FNBP1L: variants seen among roughly 807,000 people sequenced by gnomAD.
FNBP1L encodes the protein formin binding protein 1 like.
A neutral mutation model predicts 91.2 loss-of-function variants in FNBP1L; 36 were observed. The ratio of observed to expected loss-of-function variants is 0.39; its 90% CI spans 0.30 to 0.52. The LOEUF (loss-of-function observed/expected upper bound fraction) is 0.52. FNBP1L is among the 20% of genes least tolerant of loss of function. FNBP1L has a pLI of 0.66. For synonymous variants in FNBP1L, 242 were observed against 237.0 expected, an observed-to-expected ratio of 1.02 and a Z score of -0.19; for missense variants, 571 against 732.1, an observed-to-expected ratio of 0.78 and a Z score of 2.54.
At chr1:93,545,968 G>T (rs1383302591) in intron 12 of FNBP1L, among the ~76,000 whole-genome samples, 1 of 152,042 alleles carries the variant, frequency 6.6e-6, no homozygotes, top group Non-Finnish European at 1.5e-5. Flanking sequence ...ATCCATATTA[G>T]AAGTGTCCAG....
chr1:93,495,595 G>GA (rs2101721456), intron 1 of FNBP1L, among the ~76,000 whole-genome samples: 2 of 152,214 alleles, frequency 1.3e-5, no homozygotes, highest in African/African-American at 2.4e-5. Context: ...AGAGACAATT[G>GA]AAAAATCTTT....
At chr1:93,448,535 C>T (rs1049745244) in intron 1 of FNBP1L, among the ~76,000 whole-genome samples, 1 of 152,176 alleles carries the variant, frequency 6.6e-6, no homozygotes, top group Non-Finnish European at 1.5e-5. Context: ...TGGTGCAGCT[C>T]GGGCGGCGCC....
At chr1:93,524,715 AC>A (rs1671442579) in intron 5 of FNBP1L, among the ~76,000 whole-genome samples, 1 of 150,782 alleles carries the variant, frequency 6.6e-6, no homozygotes, top group Non-Finnish European at 1.5e-5. Context: ...TTCTTTTTCT[AC>A]CTTTAACTTA....
intron 10 of FNBP1L, among the ~76,000 whole-genome samples, chr1:93,538,088 A>T (rs1196024069): frequency 6.6e-6 from 1 of 152,042 alleles, no homozygotes; most frequent in Non-Finnish European, 1.5e-5. Context: ...TATCCTATAT[A>T]ATGAGTCTAC....
intron 1 of FNBP1L, among the ~76,000 whole-genome samples, chr1:93,455,411 A>G (rs929144755): frequency 6.6e-6 from 1 of 151,538 alleles, no homozygotes; most frequent in Non-Finnish European, 1.5e-5. Context: ...CTGGTCGTGA[A>G]CTCCTGGCCT....
chr1:93,507,056 A>AACACACAC (rs369423210), intron 2 of FNBP1L, among the ~76,000 whole-genome samples: 1 of 35,018 alleles, frequency 2.9e-5, no homozygotes, highest in African/African-American at 9.4e-5. Context: ...AAAAACATGG[A>AACACACAC]ACACACACAC....
intron 1 of FNBP1L, among the ~76,000 whole-genome samples, chr1:93,499,220 A>G (rs1244453672): frequency 6.6e-6 from 1 of 152,048 alleles, no homozygotes; most frequent in Non-Finnish European, 1.5e-5. Flanking sequence ...CAAAAAGCTG[A>G]TCAGGGGAGG....
At chr1:93,467,835 AG>A (rs1487960114) in intron 1 of FNBP1L, among the ~76,000 whole-genome samples, 1 of 152,152 alleles carries the variant, frequency 6.6e-6, no homozygotes, top group Non-Finnish European at 1.5e-5. Context: ...GCTACTCTTG[AG>A]GGTGAGGTGA....
At chr1:93,463,176 C>G (rs1015171664) in intron 1 of FNBP1L, among the ~76,000 whole-genome samples, 1 of 152,082 alleles carries the variant, frequency 6.6e-6, no homozygotes, top group Non-Finnish European at 1.5e-5. Context: ...AAAGCGCTTC[C>G]TTACTTTCTG....
chr1:93,510,496 C>G (rs1045865868), intron 2 of FNBP1L, among the ~76,000 whole-genome samples: 1 of 152,080 alleles, frequency 6.6e-6, no homozygotes, highest in African/African-American at 2.4e-5. Flanking sequence ...GATAAAACCA[C>G]AAAGATGGGG....
chr1:93,517,734 TCTTC>T (rs1301753139), intron 2 of FNBP1L, among the ~76,000 whole-genome samples: 5 of 151,788 alleles, frequency 3.3e-5, no homozygotes, highest in Non-Finnish European at 5.9e-5. Flanking sequence ...AAGCAACTCT[TCTTC>T]CTTCCCTGTT....
At chr1:93,490,409 G>T (rs1670054183) in intron 1 of FNBP1L, among the ~76,000 whole-genome samples, 1 of 152,026 alleles carries the variant, frequency 6.6e-6, no homozygotes, top group Non-Finnish European at 1.5e-5. Flanking sequence ...AATTAAAAAA[G>T]AATGCCCAAA....
At chr1:93,550,688 T>C (rs1338166249) in intron 15 of FNBP1L, among the ~76,000 whole-genome samples, 4 of 152,240 alleles carry the variant, frequency 2.6e-5, no homozygotes, top group Admixed American at 6.5e-5. Flanking sequence ...GTAATGTCAC[T>C]GTGACTCAGT....
intron 7 of FNBP1L, among the ~76,000 whole-genome samples, chr1:93,532,190 C>G (rs574393952): frequency 3.3e-5 from 5 of 150,890 alleles, no homozygotes; most frequent in East Asian, 3.9e-4. Flanking sequence ...CAGACTTGGC[C>G]GGGGGCAGTG....
intron 2 of FNBP1L, among the ~76,000 whole-genome samples, chr1:93,519,679 A>T (rs1037517258): frequency 7.2e-5 from 11 of 152,190 alleles, no homozygotes; most frequent in African/African-American, 2.7e-4. Context: ...GCCAAGGAGG[A>T]TGACTCACAC....
intron 1 of FNBP1L, among the ~76,000 whole-genome samples, chr1:93,450,281 T>TA (rs1422205696): frequency 6.6e-5 from 10 of 152,226 alleles, no homozygotes; most frequent in Non-Finnish European, 1.5e-4. Flanking sequence ...TCTGAAAAGA[T>TA]AAACTGTAGA....
At chr1:93,498,834 A>T (rs1670352317) in intron 1 of FNBP1L, among the ~76,000 whole-genome samples, 1 of 152,208 alleles carries the variant, frequency 6.6e-6, no homozygotes, top group African/African-American at 2.4e-5. Context: ...AGTCCTATTT[A>T]GGTGGGTGAT....
intron 1 of FNBP1L, among the ~76,000 whole-genome samples, chr1:93,464,980 A>AGATT (rs1669022875): frequency 6.6e-6 from 1 of 152,162 alleles, no homozygotes; most frequent in Non-Finnish European, 1.5e-5. Context: ...CAGGGCCACA[A>AGATT]TAGTCATAAG....
chr1:93,519,471 C>T (rs1243112505), intron 2 of FNBP1L, among the ~76,000 whole-genome samples: 2 of 152,134 alleles, frequency 1.3e-5, no homozygotes, highest in East Asian at 1.9e-4. Flanking sequence ...CTGGGGAACC[C>T]TCTTTACAGA....
Sources: gnomAD v4.1 joint callset for allele counts (sites outside exome capture counted in the v4.1 genomes callset) on GRCh38, gnomAD v4.1.1 for gene constraint, MANE v1.5 for transcripts, NCBI Gene and HGNC (gene_info 2026-07-23, HGNC 2026-07-21) for gene names.